Variants in MGMT observed in about 807,000 individuals in gnomAD.
The protein encoded by MGMT is methylated-DNA--protein-cysteine methyltransferase.
Under a neutral mutation model 15.9 loss-of-function variants are expected in MGMT, and 14 were observed. That is an observed-to-expected ratio of 0.88 (90% confidence interval 0.58 to 1.37). The LOEUF (loss-of-function observed/expected upper bound fraction) is 1.37, where lower values mean the gene tolerates loss of function less well. Among genes scored for constraint, MGMT ranks in the 40% most tolerant of loss-of-function variants. MGMT has a pLI of 0.00. For synonymous variants in MGMT, 130 were observed against 118.2 expected, an observed-to-expected ratio of 1.10 and a Z score of -0.65; for missense variants, 282 against 268.1, an observed-to-expected ratio of 1.05 and a Z score of -0.36.
chr10:129,474,573 C>T (rs921762791), intron 1 of MGMT, among the ~76,000 whole-genome samples: 5 of 152,156 alleles, frequency 3.3e-5, no homozygotes, highest in Admixed American at 1.3e-4. Flanking sequence ...GGTTCTGAGG[C>T]GGGAGATTTC....
chr10:129,623,376 A>G (rs1847111661), intron 2 of MGMT, among the ~76,000 whole-genome samples: 1 of 152,120 alleles, frequency 6.6e-6, no homozygotes, highest in Admixed American at 6.5e-5. Flanking sequence ...TCTGGTCTGC[A>G]CATGCCAGCT....
intron 1 of MGMT, among the ~76,000 whole-genome samples, chr10:129,469,873 ATTGTTG>A (rs924638272): frequency 6.6e-6 from 1 of 151,972 alleles, no homozygotes; most frequent in South Asian, 2.1e-4. Context: ...TACCTGGCTA[ATTGTTG>A]TTGTTGTTGT....
chr10:129,641,978 CAAATG>C (rs1187766209), intron 2 of MGMT, among the ~76,000 whole-genome samples: 1 of 152,174 alleles, frequency 6.6e-6, no homozygotes, highest in Non-Finnish European at 1.5e-5. Flanking sequence ...ATTTGCAAGA[CAAATG>C]AAAGCTTATT....
intron 3 of MGMT, among the ~76,000 whole-genome samples, chr10:129,723,241 C>T (rs112751984): frequency 8.5e-5 from 13 of 152,146 alleles, no homozygotes; most frequent in Admixed American, 3.9e-4. Context: ...ATACACTGAA[C>T]GTGATATGTA....
At chr10:129,511,871 A>C (rs1410755707) in intron 1 of MGMT, among the ~76,000 whole-genome samples, 3 of 152,122 alleles carry the variant, frequency 2.0e-5, no homozygotes, top group Admixed American at 6.5e-5. Flanking sequence ...CGCATTGCAC[A>C]AGCTCCCAGC....
intron 2 of MGMT, among the ~76,000 whole-genome samples, chr10:129,671,213 C>T (rs191398253): frequency 6.6e-6 from 1 of 152,320 alleles, no homozygotes; most frequent in African/African-American, 2.4e-5. Flanking sequence ...CTGATTCCTT[C>T]CAATTATTGT....
At chr10:129,645,563 C>T (rs181687373) in intron 2 of MGMT, among the ~76,000 whole-genome samples, 12 of 152,190 alleles carry the variant, frequency 7.9e-5, no homozygotes, top group East Asian at 5.8e-4. Context: ...GATGTCTGAC[C>T]GTTGGGACTG....
intron 2 of MGMT, among the ~76,000 whole-genome samples, chr10:129,652,475 T>C (rs1847471483): frequency 2.0e-5 from 3 of 152,152 alleles, no homozygotes. Flanking sequence ...GAGGGAACAT[T>C]CTAGTATGTG....
intron 2 of MGMT, among the ~76,000 whole-genome samples, chr10:129,706,694 A>G (rs1178421062): frequency 6.6e-6 from 1 of 152,150 alleles, no homozygotes; most frequent in African/African-American, 2.4e-5. Flanking sequence ...ACGGGGGTCC[A>G]CAGCACTTGA....
intron 2 of MGMT, among the ~76,000 whole-genome samples, chr10:129,698,465 A>AT (rs1337462278): frequency 1.3e-5 from 2 of 152,200 alleles, no homozygotes; most frequent in African/African-American, 4.8e-5. Flanking sequence ...GTTTAGACTA[A>AT]TGGAATGACT....
rs1309849948 is a variant in MGMT at position 129,768,013 on chromosome 10, TAAAAC to T, written c.*1018_*1022del. ...ACCTGTAGCTCTGCATATGGAGAAA[TAAAAC>T]AGAGCATATGATGTATAGAGAAAAT... is the stretch of plus-strand genomic sequence containing the variant. On this transcript the variant is annotated 3_prime_UTR_variant, in exon 5 of 5. Coordinates refer to ENST00000651593, the MANE Select transcript of MGMT (RefSeq NM_002412.5). 6.6e-6 allele frequency: 1 copy of T among 152,194 alleles called. No individual in the cohort carries two copies. Among genetic ancestry groups the T allele is most frequent in the Non-Finnish European group, 1.5e-5 (1 of 68,036 alleles). 9.4% of individuals were successfully genotyped at this position (152,194 alleles called of 1,614,324 possible). A position where few individuals can be genotyped will look rare whatever the true frequency, so the allele number is the denominator to read the frequency against.
intron 2 of MGMT, among the ~76,000 whole-genome samples, chr10:129,604,054 A>G (rs1053670493): frequency 2.0e-5 from 3 of 152,144 alleles, no homozygotes; most frequent in South Asian, 2.1e-4. Flanking sequence ...AGTCAGTGCT[A>G]TACATTTGTA....
At chr10:129,499,931 A>C (rs1845558646) in intron 1 of MGMT, among the ~76,000 whole-genome samples, 1 of 152,242 alleles carries the variant, frequency 6.6e-6, no homozygotes, top group African/African-American at 2.4e-5. Context: ...ATATGCGTGA[A>C]ATAATTAGGT....
rs575269858 is a variant in MGMT at position 129,737,795 on chromosome 10, C to A, written c.275-21407C>A. On this transcript the variant is annotated intron_variant, in intron 3 of 4. Transcript: ENST00000651593. ...ACATACAGGACCCTCAGCTGCAGGTCTGTTGGAGTACCCGGCCGTGTGAGG... is the reference window on the plus strand; with the variant it reads ...ACATACAGGACCCTCAGCTGCAGGTATGTTGGAGTACCCGGCCGTGTGAGG... Among the ~76,000 whole-genome samples the A allele has an allele frequency of 1.1e-4, 17 of 152,256 alleles. No individual in the cohort carries two copies. In the South Asian group the frequency reaches 3.5e-3, roughly 32 times the overall value.
intron 2 of MGMT, among the ~76,000 whole-genome samples, chr10:129,612,003 G>C (rs141254560): frequency 6.6e-6 from 1 of 152,150 alleles, no homozygotes; most frequent in Non-Finnish European, 1.5e-5. Context: ...TAAGGTGGTC[G>C]GGGTGCAGCT....
intron 2 of MGMT, among the ~76,000 whole-genome samples, chr10:129,628,234 A>T (rs139874433): frequency 2.0e-5 from 3 of 152,318 alleles, no homozygotes; most frequent in Non-Finnish European, 4.4e-5. Flanking sequence ...CCATAACTTC[A>T]TGGAACTTGC....
chr10:129,536,218 T>C lies in MGMT; in HGVS notation c.-12-23T>C, dbSNP rs764896052. 3 of 1,613,400 alleles carry C rather than the reference T, an allele frequency of 1.9e-6. No individual in the cohort carries two copies. In the East Asian group the frequency reaches 6.7e-5, roughly 36 times the overall value. On this transcript the variant is annotated intron_variant, in intron 1 of 4. Transcript: ENST00000651593. ...ACCAGCCTCTTACCTATACACTTTG[T>C]CTTAAAAATTATTTCTGTTTAGGTA...
intron 2 of MGMT, among the ~76,000 whole-genome samples, chr10:129,607,046 A>T (rs1221551996): frequency 6.6e-6 from 1 of 152,114 alleles, no homozygotes; most frequent in East Asian, 1.9e-4. Context: ...GCCCTATGGT[A>T]GCTTCACAAG....
intron 2 of MGMT, among the ~76,000 whole-genome samples, chr10:129,581,944 G>C (rs1469371675): frequency 6.6e-6 from 1 of 152,216 alleles, no homozygotes; most frequent in Non-Finnish European, 1.5e-5. Context: ...ACTTTCTGCT[G>C]CCTGGCCGGC....
Sources: allele counts gnomAD v4.1 joint callset (sites outside exome capture counted in the v4.1 genomes callset), GRCh38; gene constraint gnomAD v4.1.1; transcripts MANE v1.5; gene names NCBI Gene and HGNC (gene_info 2026-07-23, HGNC 2026-07-21).